The following ADNP variants were observed in gnomAD, a reference collection of about 807,000 sequenced individuals.
ADNP encodes the protein activity-dependent neuroprotector homeobox protein.
In ADNP, 4 loss-of-function variants were observed where a neutral mutation model predicts 84.9. That is an observed-to-expected ratio of 0.05 (90% CI 0.02 to 0.11). The LOEUF is 0.11. Ranked by LOEUF, ADNP falls within the 10% of genes least tolerant of loss-of-function variation. The probability of loss-of-function intolerance (pLI) is 1.00; values close to 1 mark genes in which losing one functional copy is unlikely to be tolerated. For synonymous variants in ADNP, 554 were observed against 468.1 expected (o/e 1.18, Z -2.37); for missense variants, 1,132 against 1,326.0 (o/e 0.85, Z 2.27).
Position 50,892,952 on chromosome 20 carries a change from G to A in ADNP, c.1762C>T (p.Pro588Ser), listed in dbSNP as rs1980953775. Reference protein sequence around the residue: ...SVAYHAQNNPPVPPKPQPKVQ... With the variant: ...SVAYHAQNNPSVPPKPQPKVQ... ...TTTGGCTGTGGCTTTGGAGGAACTG[G>A]AGGATTATTTTGGGCATGGTAAGCA... Residue 588 changes from proline to serine, a missense_variant, in exon 6 of 6, where the codon CCA becomes TCA. By Grantham distance (74) the Pro-to-Ser change is moderately conservative. This residue lies in a region of ADNP where 53 missense variants were observed against 39.8 expected (regional missense o/e 1.33). Coordinates refer to ENST00000621696, the MANE Select transcript of ADNP (RefSeq NM_001282531.3). The A allele has an allele frequency of 1.2e-6, 2 of 1,614,096 alleles. No individual in the cohort carries two copies. The highest frequency in any genetic ancestry group is 3.3e-5 in the Admixed American group (2 of 60,010).
intron 2 of ADNP, among the ~76,000 whole-genome samples, chr20:50,912,407 C>T (rs1983120076): frequency 6.6e-6 from 1 of 152,094 alleles, no homozygotes; most frequent in African/African-American, 2.4e-5. Context: ...GTCTTGGCCT[C>T]CCAAAGTGCT....
intron 5 of ADNP, among the ~76,000 whole-genome samples, chr20:50,899,789 TAAA>T (rs35430512): frequency 2.1e-4 from 27 of 130,876 alleles, no homozygotes; most frequent in African/African-American, 7.8e-4. Flanking sequence ...TTTAAAAAGT[TAAA>T]AAAAAAAAAA....
chr20:50,910,350 G>A (rs751239205), intron 2 of ADNP, among the ~76,000 whole-genome samples: 5 of 152,216 alleles, frequency 3.3e-5, no homozygotes, highest in Non-Finnish European at 7.3e-5. Context: ...GTAACTAGGT[G>A]TGGGTGCAAT....
chr20:50,913,898 T>C, intron 2 of ADNP: 2 of 629,366 alleles, frequency 3.2e-6, no homozygotes, highest in East Asian at 6.1e-5. Flanking sequence ...TTATTGAATT[T>C]TTGTTTCAAC....
chr20:50,907,590 C>CAGAACATTCTACAACTTTCAGTGT (rs1555813309), intron 2 of ADNP, among the ~76,000 whole-genome samples: 1 of 150,380 alleles, frequency 6.6e-6, no homozygotes. Context: ...CATGTTAACT[C>CAGAACATTCTACAACTTTCAGTGT]ACGTTAACGC....
rs776936910 is a variant in ADNP at position 50,904,005 on chromosome 20, T to C, written c.-5-4A>G. 4.4e-6 allele frequency: 7 copies of C among 1,608,294 alleles called. No homozygotes were observed. The highest frequency in any genetic ancestry group is 2.7e-5 in the African/African-American group (2 of 74,582). ...ACAGGAAGTTGGAACATAGTTTCTATTGGAAAAAAAAATTTAAGTCAAAGT... is the reference window on the plus strand; with the variant it reads ...ACAGGAAGTTGGAACATAGTTTCTACTGGAAAAAAAAATTTAAGTCAAAGT... On this transcript the variant is annotated splice_region_variant and splice_polypyrimidine_tract_variant and intron_variant, in intron 3 of 5. Transcript: ENST00000621696.
chr20:50,897,011 G>A (rs1012045647), intron 5 of ADNP, among the ~76,000 whole-genome samples: 9 of 152,082 alleles, frequency 5.9e-5, no homozygotes, highest in African/African-American at 2.2e-4. Context: ...GCACAATCTC[G>A]GCTCACTGCA....
intron 2 of ADNP, among the ~76,000 whole-genome samples, chr20:50,924,279 C>T (rs1984148062): frequency 6.6e-6 from 1 of 152,240 alleles, no homozygotes; most frequent in Non-Finnish European, 1.5e-5. Flanking sequence ...AAATATGCTA[C>T]TCCAATTAAC....
At chr20:50,914,777 G>A (rs911056204) in intron 2 of ADNP, among the ~76,000 whole-genome samples, 2 of 152,192 alleles carry the variant, frequency 1.3e-5, no homozygotes, top group Non-Finnish European at 2.9e-5. Flanking sequence ...GGTGGACTCC[G>A]TGATGTTCCT....
intron 2 of ADNP, chr20:50,905,650 A>T (rs1982402629): frequency 1.3e-5 from 2 of 152,190 alleles, no homozygotes; most frequent in Non-Finnish European, 1.5e-5. Context: ...CCGAAAATGA[A>T]AAGTATTTCA....
intron 2 of ADNP, chr20:50,905,622 A>G (rs1982399505): frequency 6.6e-6 from 1 of 152,220 alleles, no homozygotes; most frequent in Non-Finnish European, 1.5e-5. Flanking sequence ...TATATGAAGT[A>G]CCAAAGTCTA....
chr20:50,904,649 C>G (rs1248636492), intron 3 of ADNP, 117 bp downstream of exon 3: 1 of 152,166 alleles, frequency 6.6e-6, no homozygotes, highest in African/African-American at 2.4e-5. Context: ...AACAACAGTT[C>G]AGTAATGAAC....
intron 2 of ADNP, chr20:50,913,925 T>C: frequency 1.5e-6 from 1 of 662,792 alleles, no homozygotes; most frequent in Admixed American, 2.2e-5. Context: ...TGCCAGTGAA[T>C]GATAAAGACT....
At chr20:50,899,182 GA>G (rs1367167543) in intron 5 of ADNP, among the ~76,000 whole-genome samples, 6 of 150,770 alleles carry the variant, frequency 4.0e-5, no homozygotes, top group African/African-American at 1.5e-4. Context: ...AGTATGCAAG[GA>G]TTTTGGTAAT....
At chr20:50,915,999 C>T (rs1983482596) in intron 2 of ADNP, among the ~76,000 whole-genome samples, 1 of 152,160 alleles carries the variant, frequency 6.6e-6, no homozygotes, top group South Asian at 2.1e-4. Flanking sequence ...CTTCATTGGA[C>T]TTTTACTATT....
chr20:50,921,931 A>T lies in ADNP; in HGVS notation c.-90+6720T>A, dbSNP rs569293656. 1.2e-3 allele frequency among the ~76,000 whole-genome samples: 190 copies of T among 152,316 alleles called. 1 individual carries two copies. The highest frequency in any genetic ancestry group is 1.9e-3 in the Non-Finnish European group (130 of 68,022). On this transcript the variant is annotated intron_variant, in intron 2 of 5. Coordinates refer to ENST00000621696, the MANE Select transcript of ADNP (RefSeq NM_001282531.3). ...AGCACTTCCCAGTTTACTTCACTCT[A>T]AACAGGTATTGCAGCAAGGCAGGGA...
chr20:50,915,914 CATATT>C (rs11469653), intron 2 of ADNP, among the ~76,000 whole-genome samples: 13,705 of 152,084 alleles, frequency 0.09, 651 homozygotes, highest in Middle Eastern at 0.13. Context: ...CTAGGATAAT[CATATT>C]ATAACACTCT....
At chr20:50,926,936 CTT>C (rs1491315429) in intron 2 of ADNP, among the ~76,000 whole-genome samples, 2 of 109,820 alleles carry the variant, frequency 1.8e-5, no homozygotes, top group Non-Finnish European at 3.4e-5. Context: ...AATCAATAAA[CTT>C]GAGTATTTTA....
chr20:50,892,145 T>A lies in ADNP; in HGVS notation c.2569A>T (p.Asn857Tyr), dbSNP rs200939342. 1 of 1,614,166 alleles carries A rather than the reference T, an allele frequency of 6.2e-7. No individual in the cohort carries two copies. The highest frequency in any genetic ancestry group is 1.3e-5 in the African/African-American group (1 of 75,030). The change falls in exon 6 of 6, where the codon AAT (asparagine) becomes TAT (tyrosine). Residue 857 changes from asparagine to tyrosine, a missense_variant. Physicochemically the swap from Asn to Tyr is moderately radical, Grantham distance 143. Coordinates refer to ENST00000621696, the MANE Select transcript of ADNP (RefSeq NM_001282531.3). ...TTTTTGTCAGCAGTCTTACTAGCAT[T>A]GACTCTGGAATCCTTCTCATCATGA... ...ENHDEKDSRV[N>Y]ASKTADKKLN...
Sources: allele counts gnomAD v4.1 joint callset (sites outside exome capture counted in the v4.1 genomes callset), GRCh38; gene constraint gnomAD v4.1.1; regional missense constraint gnomAD v4.1.1; transcripts MANE v1.5; gene names NCBI Gene and HGNC (gene_info 2026-07-23, HGNC 2026-07-21).